Variants in FAAP20 observed in about 807,000 individuals in gnomAD.
FAAP20 encodes the protein Fanconi anemia core complex-associated protein 20.
In FAAP20, 12 loss-of-function variants were observed where a neutral mutation model predicts 16.2. The ratio of observed to expected loss-of-function variants is 0.74; its 90% CI spans 0.48 to 1.20. The LOEUF (loss-of-function observed/expected upper bound fraction) is 1.20. Among genes scored for constraint, FAAP20 ranks in the 50% most tolerant of loss-of-function variants. The pLI is 0.00. For synonymous variants in FAAP20, 141 were observed against 110.7 expected (o/e 1.27, Z -1.72); for missense variants, 288 against 245.8 (o/e 1.17, Z -1.15).
downstream of FAAP20, among the ~76,000 whole-genome samples, chr1:2,188,473 C>T (rs1017881539): frequency 2.0e-5 from 3 of 152,218 alleles, no homozygotes; most frequent in Non-Finnish European, 4.4e-5. Context: ...CAGAGGACGG[C>T]CCTCTTCTGG....
intron 1 of FAAP20, chr1:2,206,725 CG>C (rs1052212661): frequency 4.0e-5 from 6 of 150,328 alleles, no homozygotes; most frequent in African/African-American, 1.5e-4. Flanking sequence ...CCTAGCTACT[CG>C]GGAGGTTGAG....
upstream of FAAP20, among the ~76,000 whole-genome samples, chr1:2,195,422 A>G (rs1688772420): frequency 6.6e-6 from 1 of 152,200 alleles, no homozygotes; most frequent in Non-Finnish European, 1.5e-5. Context: ...CCATGGGCCC[A>G]GGCCACTTGC....
downstream of FAAP20, chr1:2,186,355 A>G (rs1687587416): frequency 5.4e-6 from 1 of 185,330 alleles, no homozygotes; most frequent in South Asian, 7.3e-5. Flanking sequence ...CTACACACTC[A>G]GGTTTCTCAG....
At chr1:2,192,059 T>G (rs750741785) in intron 3 of FAAP20, 22 of 985,514 alleles carry the variant, frequency 2.2e-5, no homozygotes, top group Non-Finnish European at 2.5e-5. Flanking sequence ...CTGCCAGGGC[T>G]CCAGGCTCAG....
intron 1 of FAAP20, 91 bp downstream of exon 1, chr1:2,194,597 G>C: frequency 1.5e-6 from 1 of 676,912 alleles, no homozygotes; most frequent in Non-Finnish European, 1.9e-6. Context: ...CCCTCCCCAG[G>C]GGGAGAATAG....
downstream of FAAP20, among the ~76,000 whole-genome samples, chr1:2,210,546 C>A (rs1105269): frequency 0.45 from 68,350 of 152,040 alleles, 16,157 homozygotes; most frequent in African/African-American, 0.61. Context: ...CCCCAGCAAC[C>A]CCCCAGGTAA....
downstream of FAAP20, chr1:2,185,521 GAC>G (rs1012144796): frequency 2.8e-6 from 2 of 716,268 alleles, no homozygotes; most frequent in African/African-American, 1.7e-5. Flanking sequence ...TACCTGTGGG[GAC>G]ACACCGCAAT....
upstream of FAAP20, chr1:2,199,497 C>T (rs1335901049): frequency 2.0e-6 from 2 of 988,758 alleles, no homozygotes; most frequent in African/African-American, 3.5e-5. The surrounding 1 kb of genome is among the most constrained non-coding windows in gnomAD (Gnocchi z 4.5). Flanking sequence ...GGAGGGCGGT[C>T]CTGTGTGCTC....
At chr1:2,202,703 T>C (rs1256487146), upstream of FAAP20, among the ~76,000 whole-genome samples, 1 of 152,174 alleles carries the variant, frequency 6.6e-6, no homozygotes, top group East Asian at 1.9e-4. Flanking sequence ...CTTGAACTCC[T>C]GAGCTCAAGC....
chr1:2,210,963 G>C (rs911972315), downstream of FAAP20, among the ~76,000 whole-genome samples: 1 of 152,362 alleles, frequency 6.6e-6, no homozygotes, highest in South Asian at 2.1e-4. Context: ...CCAGATGCCT[G>C]ATTGGGACCA....
chr1:2,190,423 G>A, intron 3 of FAAP20: 1 of 446,598 alleles, frequency 2.2e-6, no homozygotes, highest in Non-Finnish European at 4.6e-6. Context: ...AGTCCTGCAG[G>A]TCAGCGCCCT....
chr1:2,184,544 C>T (rs190090688), downstream of FAAP20: 27 of 1,508,722 alleles, frequency 1.8e-5, no homozygotes, highest in Non-Finnish European at 2.1e-5. Flanking sequence ...AGGGATGATG[C>T]CCGCGCGGAG....
At chr1:2,204,331 G>A (rs1044913985), upstream of FAAP20, among the ~76,000 whole-genome samples, 2 of 152,262 alleles carry the variant, frequency 1.3e-5, no homozygotes, top group African/African-American at 4.8e-5. Flanking sequence ...ACGCATAGAG[G>A]CTGCCTGTGA....
chr1:2,199,093 C>T, upstream of FAAP20: 5 of 1,189,526 alleles, frequency 4.2e-6, no homozygotes, highest in Non-Finnish European at 5.3e-6. This position sits in a 1 kb window ranked among gnomAD's most constrained non-coding sequence, Gnocchi z 4.5. Context: ...ACCCCAAGAA[C>T]CAGAAAGCCA....
chr1:2,186,441 C>T (rs148434701), downstream of FAAP20, among the ~76,000 whole-genome samples: 320 of 152,138 alleles, frequency 2.1e-3, 1 homozygote, highest in South Asian at 6.9e-3. Flanking sequence ...GACAAGAATG[C>T]CAGCGCTGGG....
chr1:2,185,591 T>C, downstream of FAAP20: 1 of 695,474 alleles, frequency 1.4e-6, no homozygotes. Flanking sequence ...GCAGAGTGTG[T>C]CCCAGCCGCT....
downstream of FAAP20, chr1:2,212,106 A>T (rs971818691): frequency 6.7e-6 from 1 of 150,008 alleles, no homozygotes; most frequent in African/African-American, 2.5e-5. Context: ...ACAGGGTTTC[A>T]CCGTGTTAGC....
upstream of FAAP20, chr1:2,203,612 ATGCAGC>A (rs1689129910): frequency 1.0e-6 from 1 of 985,806 alleles, no homozygotes. Context: ...GGACTCCAGG[ATGCAGC>A]TGCGTCTGGG....
upstream of FAAP20, among the ~76,000 whole-genome samples, chr1:2,196,995 G>T (rs568183810): frequency 6.6e-6 from 1 of 152,160 alleles, no homozygotes; most frequent in Non-Finnish European, 1.5e-5. This position sits in a 1 kb window ranked among gnomAD's most constrained non-coding sequence, Gnocchi z 4.5. Flanking sequence ...GGACCCGGGG[G>T]TGGCTCCTGC....
Sources: gnomAD v4.1 joint callset for allele counts (sites outside exome capture counted in the v4.1 genomes callset) on GRCh38, gnomAD v4.1.1 for gene constraint, Gnocchi (gnomAD v3.1) non-coding constraint, MANE v1.5 for transcripts, NCBI Gene and HGNC (gene_info 2026-07-23, HGNC 2026-07-21) for gene names.